Variants in NEK6 observed in about 807,000 individuals in gnomAD.
NEK6 encodes the protein NIMA related kinase 6.
Under a neutral mutation model 43.5 loss-of-function variants are expected in NEK6, and 27 were observed. The observed-to-expected ratio is 0.62, with a 90% CI of 0.46 to 0.86. NEK6 has a LOEUF of 0.86. Ranked by LOEUF, NEK6 falls within the 40% of genes least tolerant of loss-of-function variation. The probability of loss-of-function intolerance (pLI) is 0.00; values close to 1 mark genes in which losing one functional copy is unlikely to be tolerated. For missense variants in NEK6, 318 were observed against 414.4 expected, an observed-to-expected ratio of 0.77 and a Z score of 2.02; for synonymous variants, 167 against 164.1, an observed-to-expected ratio of 1.02 and a Z score of -0.14.
chr9:124,278,405 T>C (rs1233544282), intron 1 of NEK6, among the ~76,000 whole-genome samples: 3 of 152,206 alleles, frequency 2.0e-5, no homozygotes, highest in Non-Finnish European at 4.4e-5. Flanking sequence ...TGAGCAGTAG[T>C]GTCCCAGGCA....
chr9:124,339,401 A>G (rs970064964), intron 7 of NEK6, among the ~76,000 whole-genome samples, 170 bp from the exon 8 acceptor site: 1 of 151,654 alleles, frequency 6.6e-6, no homozygotes, highest in African/African-American at 2.4e-5. Context: ...ATCTGATCCA[A>G]CTGCTCATCT....
intron 1 of NEK6, among the ~76,000 whole-genome samples, chr9:124,264,046 G>A (rs1216845087): frequency 6.6e-6 from 1 of 152,256 alleles, no homozygotes; most frequent in African/African-American, 2.4e-5. Context: ...AGGCCTGGCC[G>A]TGGGGCAGAA....
At chr9:124,341,036 A>C (rs1829585037) in intron 8 of NEK6, among the ~76,000 whole-genome samples, 1 of 152,160 alleles carries the variant, frequency 6.6e-6, no homozygotes, top group Non-Finnish European at 1.5e-5. Context: ...TTTAAACTTC[A>C]CAGCATCTTT....
intron 8 of NEK6, among the ~76,000 whole-genome samples, chr9:124,345,124 T>C (rs993770100): frequency 6.6e-6 from 1 of 152,170 alleles, no homozygotes; most frequent in African/African-American, 2.4e-5. Context: ...TATGTCACCC[T>C]GATGACACCA....
At chr9:124,311,360 TCA>T (rs1333060682) in intron 2 of NEK6, among the ~76,000 whole-genome samples, 2 of 152,184 alleles carry the variant, frequency 1.3e-5, no homozygotes, top group Non-Finnish European at 2.9e-5. Flanking sequence ...CCTCTGGGCC[TCA>T]GTTTCCTCAT....
At chr9:124,314,636 G>A (rs1015661677) in intron 4 of NEK6, among the ~76,000 whole-genome samples, 2 of 151,780 alleles carry the variant, frequency 1.3e-5, no homozygotes, top group African/African-American at 2.4e-5. Flanking sequence ...GACCACAGGC[G>A]CATGCCACCA....
At chr9:124,279,300 C>CTTTT (rs1165676719) in intron 1 of NEK6, among the ~76,000 whole-genome samples, 5 of 138,180 alleles carry the variant, frequency 3.6e-5, no homozygotes, top group Admixed American at 1.4e-4. Flanking sequence ...TTTCTCTTCC[C>CTTTT]TTTTTTTTTT....
Position 124,351,124 on chromosome 9 carries a change from C to G in NEK6, c.*177C>G, listed in dbSNP as rs770421728. 3.5e-5 allele frequency: 20 copies of G among 568,584 alleles called. No individual in the cohort carries two copies. Among genetic ancestry groups the G allele is most frequent in the Non-Finnish European group, 6.3e-5 (20 of 316,156 alleles). The allele number at this position is 568,584 out of a possible 1,614,324, so 35.2% of individuals were successfully genotyped here. On this transcript the variant is annotated 3_prime_UTR_variant, in exon 10 of 10. Transcript: ENST00000320246. ...GAAGGCAGAGCAGCTGAGGGAGGGG[C>G]GCTGGCCACATGTCACTGATGGTCA...
intron 1 of NEK6, among the ~76,000 whole-genome samples, chr9:124,278,278 C>T (rs1831730073): frequency 6.6e-6 from 1 of 152,210 alleles, no homozygotes; most frequent in South Asian, 2.1e-4. Flanking sequence ...GTGACAAAAT[C>T]GCCTCGTCAT....
intron 1 of NEK6, among the ~76,000 whole-genome samples, chr9:124,258,844 C>T (rs1373283744): frequency 6.6e-6 from 1 of 152,256 alleles, no homozygotes; most frequent in African/African-American, 2.4e-5. Flanking sequence ...TCTGCATACA[C>T]AGGCTGGGCG....
At chr9:124,295,110 G>A (rs1832618909) in intron 1 of NEK6, among the ~76,000 whole-genome samples, 1 of 152,242 alleles carries the variant, frequency 6.6e-6, no homozygotes, top group Non-Finnish European at 1.5e-5. Context: ...CCACCACCCT[G>A]AGGAAGGGGG....
intron 4 of NEK6, among the ~76,000 whole-genome samples, chr9:124,314,409 G>A (rs1161258866): frequency 1.3e-5 from 2 of 151,654 alleles, no homozygotes; most frequent in East Asian, 3.9e-4. Flanking sequence ...CTGTCTCCCT[G>A]TTTTTCTCTT....
upstream of NEK6, chr9:124,257,676 A>G (rs575530286): frequency 7.2e-6 from 11 of 1,532,744 alleles, no homozygotes; most frequent in Middle Eastern, 1.7e-4. Context: ...GACCCTCATC[A>G]TAAGTCTAGA....
intron 8 of NEK6, among the ~76,000 whole-genome samples, chr9:124,344,590 G>A (rs186758194): frequency 1.3e-5 from 2 of 152,372 alleles, no homozygotes; most frequent in African/African-American, 4.8e-5. Context: ...CCCGAGCTTG[G>A]GATATCGGAA....
At position 124,353,175 on chromosome 9, in the gene NEK6, G is replaced by C. The variant is rs561315835; in HGVS notation, c.*2228G>C. ...TCCTACTTGGCTGCTGAGGTGGAGG[G>C]TGTGCTGCACTTATCACCCCATTTC... is the stretch of plus-strand genomic sequence containing the variant. On this transcript the variant is annotated 3_prime_UTR_variant, in exon 10 of 10. Coordinates refer to ENST00000320246, the MANE Select transcript of NEK6 (RefSeq NM_014397.6). 181 of 168,376 alleles carry C rather than the reference G, an allele frequency of 1.1e-3. 4 individuals carry two copies. Among genetic ancestry groups the C allele is most frequent in the African/African-American group, 3.2e-3 (135 of 41,832 alleles). The allele number at this position is 168,376 out of a possible 1,614,324, so 10.4% of individuals were successfully genotyped here.
At chr9:124,281,751 G>A (rs976391500) in intron 1 of NEK6, among the ~76,000 whole-genome samples, 1 of 152,042 alleles carries the variant, frequency 6.6e-6, no homozygotes, top group African/African-American at 2.4e-5. Flanking sequence ...TGCCTACCTC[G>A]GCCTCCCAAA....
At chr9:124,281,011 G>A (rs752406379) in intron 1 of NEK6, among the ~76,000 whole-genome samples, 27 of 152,192 alleles carry the variant, frequency 1.8e-4, no homozygotes, top group African/African-American at 5.1e-4. Context: ...GGCTGGTCTC[G>A]AACTCCTGAC....
intron 2 of NEK6, among the ~76,000 whole-genome samples, chr9:124,302,792 G>C (rs746729411): frequency 6.6e-6 from 1 of 152,242 alleles, no homozygotes; most frequent in Non-Finnish European, 1.5e-5. Flanking sequence ...GGTGATGCCC[G>C]TGATCACATC....
chr9:124,315,430 C>G (rs1160459237), intron 4 of NEK6, among the ~76,000 whole-genome samples: 2 of 152,324 alleles, frequency 1.3e-5, no homozygotes, highest in East Asian at 3.9e-4. Context: ...GTTGTGAGTG[C>G]CTGCTCTGGT....
Sources: allele counts gnomAD v4.1 joint callset (sites outside exome capture counted in the v4.1 genomes callset), GRCh38; gene constraint gnomAD v4.1.1; transcripts MANE v1.5; gene names NCBI Gene and HGNC (gene_info 2026-07-23, HGNC 2026-07-21).